AFF3: variants seen among roughly 807,000 people sequenced by gnomAD.
AFF3 encodes ALF transcription elongation factor 3, also known as AF4/FMR2 family member 3.
Under a neutral mutation model 129.7 loss-of-function variants are expected in AFF3, and 32 were observed. The observed-to-expected ratio is 0.25, with a 90% CI of 0.19 to 0.33. The LOEUF is 0.33. AFF3 is among the 10% of genes least tolerant of loss of function. The pLI is 1.00. For synonymous variants in AFF3, 644 were observed against 635.4 expected (o/e 1.01, Z -0.20); for missense variants, 1,373 against 1,592.0 (o/e 0.86, Z 2.34).
At chr2:99,697,573 AG>A (rs1272398359) in intron 11 of AFF3, among the ~76,000 whole-genome samples, 1 of 152,266 alleles carries the variant, frequency 6.6e-6, no homozygotes, top group African/African-American at 2.4e-5. Context: ...TTATTTAAAT[AG>A]GCAAGACATT....
chr2:99,658,262 T>C (rs72968221), intron 12 of AFF3, among the ~76,000 whole-genome samples: 9,054 of 151,948 alleles, frequency 0.06, 883 homozygotes, highest in African/African-American at 0.21. Context: ...AAAGCAACAT[T>C]ATAGGTGAGA....
chr2:99,676,186 C>T (rs1051015494), intron 11 of AFF3, among the ~76,000 whole-genome samples: 1 of 152,246 alleles, frequency 6.6e-6, no homozygotes, highest in East Asian at 1.9e-4. Context: ...AGGGCCACCC[C>T]TTTCACGTTC....
chr2:99,656,527 A>G (rs1433747230), intron 12 of AFF3, among the ~76,000 whole-genome samples: 1 of 152,208 alleles, frequency 6.6e-6, no homozygotes, highest in African/African-American at 2.4e-5. Flanking sequence ...ACATATTTTT[A>G]TAGAAGTTCT....
chr2:99,875,363 G>T (rs1198744080), intron 7 of AFF3, among the ~76,000 whole-genome samples: 1 of 152,156 alleles, frequency 6.6e-6, no homozygotes, highest in African/African-American at 2.4e-5. Context: ...ATTTAAAGGA[G>T]TCCCCTCACT....
chr2:99,717,626 T>A (rs1678513368), intron 11 of AFF3, among the ~76,000 whole-genome samples: 1 of 152,236 alleles, frequency 6.6e-6, no homozygotes, highest in African/African-American at 2.4e-5. Flanking sequence ...AAATTATTTG[T>A]CAGATACACG....
At chr2:99,960,770 G>A (rs1490144740) in intron 7 of AFF3, among the ~76,000 whole-genome samples, 1 of 152,168 alleles carries the variant, frequency 6.6e-6, no homozygotes, top group Non-Finnish European at 1.5e-5. Context: ...ACATTTGCAG[G>A]TTCCAAAATG....
At chr2:99,596,860 T>C (rs1679337021) in intron 14 of AFF3, among the ~76,000 whole-genome samples, 1 of 152,196 alleles carries the variant, frequency 6.6e-6, no homozygotes, top group South Asian at 2.1e-4. Flanking sequence ...CAGTTTGAAG[T>C]ACCCACTTTC....
At chr2:99,711,351 G>A (rs943471448) in intron 11 of AFF3, among the ~76,000 whole-genome samples, 6 of 152,130 alleles carry the variant, frequency 3.9e-5, no homozygotes, top group African/African-American at 1.4e-4. Context: ...AATATGAGAT[G>A]TAATAATGTA....
intron 13 of AFF3, among the ~76,000 whole-genome samples, chr2:99,615,458 C>A (rs1367421199): frequency 6.6e-6 from 1 of 152,260 alleles, no homozygotes; most frequent in Non-Finnish European, 1.5e-5. Flanking sequence ...ACTAGAGACA[C>A]TGAGTTGAAA....
chr2:99,929,939 A>G (rs1301373847), intron 7 of AFF3, among the ~76,000 whole-genome samples: 5 of 151,296 alleles, frequency 3.3e-5, no homozygotes, highest in African/African-American at 1.2e-4. Flanking sequence ...TTTAATGAGT[A>G]TCTGACTTCT....
At chr2:99,898,304 T>C (rs986077044) in intron 7 of AFF3, among the ~76,000 whole-genome samples, 2 of 152,164 alleles carry the variant, frequency 1.3e-5, no homozygotes, top group Admixed American at 6.5e-5. Flanking sequence ...TCAAACGCCA[T>C]ATGGGATCAT....
chr2:99,931,264 A>G (rs751780295), intron 7 of AFF3, among the ~76,000 whole-genome samples: 8 of 152,162 alleles, frequency 5.3e-5, no homozygotes, highest in Non-Finnish European at 1.2e-4. Flanking sequence ...AGCTCAAGCC[A>G]CTCCCTGGAG....
At chr2:100,138,362 A>G (rs952812906) in intron 1 of AFF3, among the ~76,000 whole-genome samples, 3 of 152,238 alleles carry the variant, frequency 2.0e-5, no homozygotes, top group Non-Finnish European at 4.4e-5. Context: ...TGTGGCAGCC[A>G]CATCATGTGG....
chr2:99,608,293 C>T (rs752046872), intron 13 of AFF3, among the ~76,000 whole-genome samples: 6 of 152,156 alleles, frequency 3.9e-5, no homozygotes, highest in African/African-American at 9.7e-5. Context: ...GGCTATGTTT[C>T]CCTACTCTGT....
intron 7 of AFF3, among the ~76,000 whole-genome samples, chr2:99,991,709 C>G (rs1352347700): frequency 2.0e-5 from 3 of 152,098 alleles, no homozygotes; most frequent in Admixed American, 2.0e-4. Context: ...TCGAGAGCAG[C>G]CTGGCCAACA....
chr2:99,587,036 T>G (rs769633799), intron 16 of AFF3, 118 bp downstream of exon 16: 79 of 1,379,882 alleles, frequency 5.7e-5, no homozygotes, highest in Non-Finnish European at 7.8e-5. Context: ...GGGAAGCAAG[T>G]CTGCAGACCT....
intron 7 of AFF3, among the ~76,000 whole-genome samples, chr2:99,980,272 T>C (rs528081023): frequency 1.3e-5 from 2 of 152,340 alleles, no homozygotes; most frequent in East Asian, 3.9e-4. Context: ...ACTTGGTTCT[T>C]GTGCCAGGAT....
chr2:100,022,503 C>A (rs571058368), intron 4 of AFF3, among the ~76,000 whole-genome samples: 1 of 151,504 alleles, frequency 6.6e-6, no homozygotes, highest in South Asian at 2.1e-4. Context: ...CTCCGCCTTC[C>A]GGGTTCAAGA....
At chr2:100,029,018 G>A (rs975951328) in intron 4 of AFF3, among the ~76,000 whole-genome samples, 1 of 152,192 alleles carries the variant, frequency 6.6e-6, no homozygotes, top group African/African-American at 2.4e-5. Flanking sequence ...AACAACTCAA[G>A]CGTTTATCAG....
Sources: gnomAD v4.1 joint callset for allele counts (sites outside exome capture counted in the v4.1 genomes callset) on GRCh38, gnomAD v4.1.1 for gene constraint, MANE v1.5 for transcripts, NCBI Gene and HGNC (gene_info 2026-07-23, HGNC 2026-07-21) for gene names.